SEMA3A: variants seen among roughly 807,000 people sequenced by gnomAD.
SEMA3A encodes semaphorin-3A.
A neutral mutation model predicts 97.9 loss-of-function variants in SEMA3A; 29 were observed. The ratio of observed to expected loss-of-function variants is 0.30; its 90% CI spans 0.22 to 0.40. The LOEUF (loss-of-function observed/expected upper bound fraction) is 0.40. SEMA3A is among the 10% of genes least tolerant of loss of function. SEMA3A has a pLI of 1.00. For missense variants in SEMA3A, 763 were observed against 951.3 expected, an observed-to-expected ratio of 0.80 and a Z score of 2.60; for synonymous variants, 321 against 323.7, an observed-to-expected ratio of 0.99 and a Z score of 0.09.
At chr7:84,454,090 T>A (rs1805629637) in intron 1 of SEMA3A, among the ~76,000 whole-genome samples, 1 of 152,218 alleles carries the variant, frequency 6.6e-6, no homozygotes, top group Admixed American at 6.5e-5. Context: ...AATATTCGCC[T>A]CAATTCTCTA....
At chr7:84,078,008 G>A (rs1183488832) in intron 4 of SEMA3A, among the ~76,000 whole-genome samples, 1 of 151,970 alleles carries the variant, frequency 6.6e-6, no homozygotes, top group African/African-American at 2.4e-5. Flanking sequence ...CATTGTGGAA[G>A]CAACATGAAA....
intron 3 of SEMA3A, among the ~76,000 whole-genome samples, chr7:84,237,925 T>G (rs532891425): frequency 6.6e-6 from 1 of 152,174 alleles, no homozygotes; most frequent in African/African-American, 2.4e-5. Flanking sequence ...AACAGAAAAC[T>G]TAACCATAAA....
chr7:84,112,186 G>A (rs1795293116), intron 3 of SEMA3A, among the ~76,000 whole-genome samples: 1 of 152,138 alleles, frequency 6.6e-6, no homozygotes, highest in South Asian at 2.1e-4. Flanking sequence ...CACATAGGTG[G>A]CCACATACTC....
intron 4 of SEMA3A, among the ~76,000 whole-genome samples, chr7:84,095,073 AATTT>A (rs1487521035): frequency 6.7e-6 from 1 of 149,694 alleles, no homozygotes; most frequent in African/African-American, 2.4e-5. Flanking sequence ...GTATATAGGT[AATTT>A]ATTTATAATT....
chr7:84,142,785 T>C (rs1796330286), intron 1 of SEMA3A, among the ~76,000 whole-genome samples: 2 of 152,168 alleles, frequency 1.3e-5, no homozygotes, highest in African/African-American at 4.8e-5. Context: ...CCAAGAGATA[T>C]TTCCCTCCAA....
In SEMA3A at chr7:84,433,907, A is replaced by G. The variant is rs191440865; in HGVS notation, c.-246+58553T>C. On this transcript the variant is annotated intron_variant, in intron 1 of 3. Transcript: ENST00000424555. Reference sequence around the variant, plus strand: ...AAGTGTCTGTTCATATTCTTCACACACTTTTTGATGGGTTTGTGTTTTTTT... The same window carrying G: ...AAGTGTCTGTTCATATTCTTCACACGCTTTTTGATGGGTTTGTGTTTTTTT... Among the ~76,000 whole-genome samples, 5 of 151,762 alleles carry G rather than the reference A, an allele frequency of 3.3e-5. No homozygotes were observed. In the East Asian group the frequency reaches 9.7e-4, roughly 29 times the overall value.
intron 3 of SEMA3A, among the ~76,000 whole-genome samples, chr7:84,212,624 G>T (rs1370589746): frequency 1.3e-5 from 2 of 152,146 alleles, no homozygotes; most frequent in African/African-American, 4.8e-5. Flanking sequence ...GTGCTAGAAA[G>T]TGTTTCCTCT....
intron 5 of SEMA3A, 92 bp downstream of exon 5, chr7:84,060,373 C>A: frequency 1.3e-6 from 1 of 790,170 alleles, no homozygotes; most frequent in South Asian, 1.8e-5. Context: ...ATTATTATTT[C>A]ATAATGGAAA....
chr7:84,417,153 G>A (rs1234011966), intron 1 of SEMA3A, among the ~76,000 whole-genome samples: 1 of 151,480 alleles, frequency 6.6e-6, no homozygotes, highest in Non-Finnish European at 1.5e-5. Flanking sequence ...ATGAACAAAG[G>A]GTACATTACT....
At chr7:84,055,488 T>G (rs567979202) in intron 5 of SEMA3A, among the ~76,000 whole-genome samples, 2 of 152,322 alleles carry the variant, frequency 1.3e-5, no homozygotes, top group African/African-American at 4.8e-5. Context: ...CCGTCACCCC[T>G]TTCTTTGACT....
chr7:84,086,553 A>ATG (rs1562770297), intron 4 of SEMA3A, among the ~76,000 whole-genome samples: 17 of 106,434 alleles, frequency 1.6e-4, no homozygotes, highest in Non-Finnish European at 3.0e-4. Flanking sequence ...TTTACATATA[A>ATG]TATATTATTA....
intron 4 of SEMA3A, among the ~76,000 whole-genome samples, chr7:84,064,962 T>A (rs199581757): frequency 0.048 from 7,325 of 151,952 alleles, 2 homozygotes; most frequent in East Asian, 0.18. Context: ...ATCAACAGAA[T>A]ATACATTTTT....
chr7:84,475,356 C>T (rs1046169273), intron 1 of SEMA3A, among the ~76,000 whole-genome samples: 1 of 151,914 alleles, frequency 6.6e-6, no homozygotes, highest in Non-Finnish European at 1.5e-5. Flanking sequence ...CTTGTCATTG[C>T]TTTTGGAGTG....
intron 1 of SEMA3A, among the ~76,000 whole-genome samples, chr7:84,466,781 G>C (rs1320365021): frequency 6.6e-6 from 1 of 152,170 alleles, no homozygotes; most frequent in African/African-American, 2.4e-5. Flanking sequence ...CTTTGTGAGT[G>C]AGTCCCTAGC....
At position 84,438,168 on chromosome 7, in the gene SEMA3A, T is replaced by C. The variant is rs538654448; in HGVS notation, c.-246+54292A>G. ...TCTCTCAGCAGTCAACAATGATGTA[T>C]TTGCTGTCTGTCTACTATTGGCACA... On this transcript the variant is annotated intron_variant, in intron 1 of 3. Coordinates refer to the SEMA3A transcript ENST00000424555. Among the ~76,000 whole-genome samples the C allele has an allele frequency of 6.6e-5, 10 of 152,192 alleles. No individual in the cohort carries two copies. The South Asian group carries it at 2.1e-3, about 32-fold the overall frequency.
At chr7:83,984,048 T>C (rs2116325999) in intron 13 of SEMA3A, among the ~76,000 whole-genome samples, 1 of 152,296 alleles carries the variant, frequency 6.6e-6, no homozygotes, top group East Asian at 1.9e-4. Flanking sequence ...AACTGATAGA[T>C]TGTTTTTCTT....
At chr7:84,316,603 TAGAG>T (rs1369221301) in intron 2 of SEMA3A, among the ~76,000 whole-genome samples, 2 of 151,696 alleles carry the variant, frequency 1.3e-5, no homozygotes, top group African/African-American at 4.9e-5. Flanking sequence ...AGAGAGTAGA[TAGAG>T]ATAGAAAGAG....
chr7:84,344,013 A>G (rs929026522), intron 2 of SEMA3A, among the ~76,000 whole-genome samples: 62 of 149,608 alleles, frequency 4.1e-4, no homozygotes, highest in South Asian at 2.3e-3. Flanking sequence ...GTTTCGGGGA[A>G]AAAAAAAAAA....
chr7:84,381,667 A>G (rs1222108528), intron 1 of SEMA3A, among the ~76,000 whole-genome samples: 2 of 152,094 alleles, frequency 1.3e-5, no homozygotes, highest in African/African-American at 4.8e-5. Flanking sequence ...TCATCCTTCT[A>G]TATGCTATGG....
Sources: allele counts gnomAD v4.1 joint callset (sites outside exome capture counted in the v4.1 genomes callset), GRCh38; gene constraint gnomAD v4.1.1; transcripts MANE v1.5; gene names NCBI Gene and HGNC (gene_info 2026-07-23, HGNC 2026-07-21).